PGLYRP4: variants seen among roughly 807,000 people sequenced by gnomAD.
PGLYRP4 encodes the protein PGRP-I-beta.
In PGLYRP4, 39 loss-of-function variants were observed where a neutral mutation model predicts 41.2. The ratio of observed to expected loss-of-function variants is 0.95; its 90% CI spans 0.73 to 1.24. The LOEUF is 1.24. Among genes scored for constraint, PGLYRP4 ranks in the 50% most tolerant of loss-of-function variants. The pLI is 0.00. For missense variants in PGLYRP4, 467 were observed against 460.7 expected, an observed-to-expected ratio of 1.01 and a Z score of -0.13; for synonymous variants, 202 against 186.8, an observed-to-expected ratio of 1.08 and a Z score of -0.66.
Position 153,347,960 on chromosome 1 carries a change from GGA to G in PGLYRP4, c.-30_-29del, listed in dbSNP as rs779301061. On this transcript the variant is annotated 5_prime_UTR_variant, in exon 2 of 9. Transcript: ENST00000359650. Reference sequence around the variant, plus strand: ...CCACGTGGTCCCAGGACACCAATCTGGAGAGTGTGGATGGCAGCCTGAGAGAG... The same window carrying G: ...CCACGTGGTCCCAGGACACCAATCTGGAGTGTGGATGGCAGCCTGAGAGAG... 35 of 1,594,742 alleles carry G rather than the reference GGA, an allele frequency of 2.2e-5. No individual in the cohort carries two copies. In the South Asian group the frequency reaches 3.0e-4, roughly 14 times the overall value.
intron 8 of PGLYRP4, among the ~76,000 whole-genome samples, chr1:153,334,468 T>TATATATATATTTTTTATATA (rs1275488427): frequency 7.0e-6 from 1 of 142,530 alleles, no homozygotes; most frequent in African/African-American, 2.6e-5. Context: ...ATATATTTAT[T>TATATATATATTTTTTATATA]TATATATATT....
At chr1:153,341,549 G>A in intron 6 of PGLYRP4, 78 bp downstream of exon 6, 2 of 1,319,292 alleles carry the variant, frequency 1.5e-6, no homozygotes, top group Non-Finnish European at 2.1e-6. Flanking sequence ...CTACTGAAAA[G>A]GTCACTCCCA....
intron 6 of PGLYRP4, among the ~76,000 whole-genome samples, chr1:153,340,997 T>C (rs1660778395): frequency 6.6e-6 from 1 of 152,212 alleles, no homozygotes; most frequent in African/African-American, 2.4e-5. Context: ...CCCAAAATGG[T>C]ATCCACCTTT....
At chr1:153,343,378 C>T (rs1215308279) in intron 4 of PGLYRP4, among the ~76,000 whole-genome samples, 170 bp from the exon 5 acceptor site, 1 of 152,192 alleles carries the variant, frequency 6.6e-6, no homozygotes, top group African/African-American at 2.4e-5. Flanking sequence ...TATACTAGTC[C>T]TTAGAATTCA....
At chr1:153,348,281 C>G (rs1186894973) in intron 1 of PGLYRP4, among the ~76,000 whole-genome samples, 1 of 152,096 alleles carries the variant, frequency 6.6e-6, no homozygotes, top group African/African-American at 2.4e-5. Flanking sequence ...ACTGTTAACC[C>G]CCATTTTTAC....
At chr1:153,331,576 G>T (rs1366030937) in intron 8 of PGLYRP4, 1 of 152,298 alleles carries the variant, frequency 6.6e-6, no homozygotes, top group Non-Finnish European at 1.5e-5. Context: ...CAGAGGTTTG[G>T]TGAAAGGCCC....
chr1:153,337,248 G>A lies in PGLYRP4; in HGVS notation c.876C>T (p.Val292=), dbSNP rs1056745111. ...CGTAGCCAGGGGTGGAGGAGCCTTG[G>A]ACATTCCAGCCCACCCCTTCATAAA... ...GAIYEGVGWN[V]QGSSTPGYDD... Residue 292 remains valine, a synonymous_variant, in exon 8 of 9, where the codon GTC becomes GTT. Transcript: ENST00000359650. 9.3e-6 allele frequency: 15 copies of A among 1,613,590 alleles called. No individual in the cohort carries two copies. In the Admixed American group the frequency reaches 1.7e-4, roughly 18 times the overall value.
rs1387973159 is a variant in PGLYRP4, at chr1:153,345,234, G to A, written c.288C>T (p.Ser96=). Residue 96 remains serine, a synonymous_variant, in exon 4 of 9, where the codon AGC becomes AGT. Transcript: ENST00000359650. ...GLECHDQTVC[S]QRLRELQAHH... ...GGGCCTGCAGTTCCCGCAGTCTCTG[G>A]CTGCAGACTGTCTGGTCGTGACACT... is the stretch of plus-strand genomic sequence containing the variant. 1 of 1,613,940 alleles carries A rather than the reference G, an allele frequency of 6.2e-7. No individual in the cohort carries two copies. Among genetic ancestry groups the A allele is most frequent in the East Asian group, 2.2e-5 (1 of 44,894 alleles).
At chr1:153,341,149 A>G (rs1434467157) in intron 6 of PGLYRP4, among the ~76,000 whole-genome samples, 3 of 152,208 alleles carry the variant, frequency 2.0e-5, no homozygotes, top group Non-Finnish European at 4.4e-5. Flanking sequence ...GTGTAAACAT[A>G]TGAGTGTATA....
At position 153,330,649 on chromosome 1, in the gene PGLYRP4, G is replaced by T; in HGVS notation, c.*118C>A. On this transcript the variant is annotated 3_prime_UTR_variant, in exon 9 of 9. Transcript: ENST00000359650. The stretch of plus-strand genomic sequence containing the variant: ...ATGATCATCCCAACCTGAAAAAGGA[G>T]GCACAGGACTGTGTGGCAGGGGAGG... 1 of 764,698 alleles carries T rather than the reference G, an allele frequency of 1.3e-6. No individual in the cohort carries two copies. Among genetic ancestry groups the T allele is most frequent in the South Asian group, 1.9e-5 (1 of 53,782 alleles). The allele number at this position is 764,698 out of a possible 1,614,324, so 47.4% of individuals were successfully genotyped here. A position where few individuals can be genotyped will look rare whatever the true frequency, so the allele number is the denominator to read the frequency against.
chr1:153,330,727 A>AG lies in PGLYRP4; in HGVS notation c.*39dup. 1 of 1,573,918 alleles carries AG rather than the reference A, an allele frequency of 6.4e-7. No homozygotes were observed. The highest frequency in any genetic ancestry group is 8.7e-7 in the Non-Finnish European group (1 of 1,148,206). ...ATGGTTAGGACAGGAGAGACCTGACAGGGGAGGGAAAGCAGTCTCAGAAGG... is the reference window on the plus strand; with the variant it reads ...ATGGTTAGGACAGGAGAGACCTGACAGGGGGAGGGAAAGCAGTCTCAGAAGG... On this transcript the variant is annotated 3_prime_UTR_variant, in exon 9 of 9. Coordinates refer to ENST00000359650, the MANE Select transcript of PGLYRP4 (RefSeq NM_020393.4).
intron 4 of PGLYRP4, among the ~76,000 whole-genome samples, chr1:153,344,450 A>G (rs1286292304): frequency 6.6e-6 from 1 of 152,128 alleles, no homozygotes; most frequent in East Asian, 1.9e-4. Flanking sequence ...TGAGGAGGCT[A>G]CACACCAAGC....
intron 6 of PGLYRP4, among the ~76,000 whole-genome samples, chr1:153,341,391 A>G (rs936695495): frequency 6.6e-6 from 1 of 152,228 alleles, no homozygotes; most frequent in African/African-American, 2.4e-5. Context: ...GTGTGCATAT[A>G]TGACACCAGG....
chr1:153,335,619 G>T (rs915871881), intron 8 of PGLYRP4, among the ~76,000 whole-genome samples: 13 of 150,022 alleles, frequency 8.7e-5, no homozygotes, highest in Non-Finnish European at 1.8e-4. Flanking sequence ...TAGCTACTCG[G>T]GAGGCTGAGG....
intron 2 of PGLYRP4, among the ~76,000 whole-genome samples, chr1:153,346,478 G>GA (rs11375855): frequency 0.63 from 94,240 of 148,890 alleles, 29,704 homozygotes; most frequent in Middle Eastern, 0.72. Context: ...AATTGGCGGG[G>GA]AAAAAAAAAA....
chr1:153,346,211 T>G lies in PGLYRP4; in HGVS notation c.50-20A>C, dbSNP rs768081119. 5.0e-6 allele frequency: 8 copies of G among 1,597,268 alleles called. No homozygotes were observed. Among genetic ancestry groups the G allele is most frequent in the Non-Finnish European group, 6.9e-6 (8 of 1,164,782 alleles). On this transcript the variant is annotated intron_variant, in intron 2 of 8. Coordinates refer to ENST00000359650, the MANE Select transcript of PGLYRP4 (RefSeq NM_020393.4). ...AATCACCTGCAAAGGAATATCCCAT[T>G]TTGCATCAGAGAGCACCAATACCAG...
At chr1:153,334,551 A>G (rs912306251) in intron 8 of PGLYRP4, among the ~76,000 whole-genome samples, 1 of 150,504 alleles carries the variant, frequency 6.6e-6, no homozygotes, top group Admixed American at 6.6e-5. Flanking sequence ...AAAAAATTGT[A>G]GATGACACAA....
At chr1:153,345,917 A>G (rs1171456636) in intron 3 of PGLYRP4, among the ~76,000 whole-genome samples, 185 bp downstream of exon 3, 3 of 152,080 alleles carry the variant, frequency 2.0e-5, no homozygotes, top group African/African-American at 7.2e-5. Flanking sequence ...GCCCTCCAGC[A>G]CCAGCCTTCC....
chr1:153,344,096 C>T (rs1283633856), intron 4 of PGLYRP4, among the ~76,000 whole-genome samples: 4 of 152,208 alleles, frequency 2.6e-5, no homozygotes, highest in African/African-American at 7.2e-5. Flanking sequence ...GACACAGAAG[C>T]AGTCCAAGCC....
Sources: allele counts gnomAD v4.1 joint callset (sites outside exome capture counted in the v4.1 genomes callset), GRCh38; gene constraint gnomAD v4.1.1; transcripts MANE v1.5; gene names NCBI Gene and HGNC (gene_info 2026-07-23, HGNC 2026-07-21).